Variants in NHS observed in about 807,000 individuals in gnomAD.
NHS encodes the protein NHS actin remodeling regulator.
A neutral mutation model predicts 72.5 loss-of-function variants in NHS; 5 were observed. That is an observed-to-expected ratio of 0.07 (90% CI 0.04 to 0.14). The LOEUF (loss-of-function observed/expected upper bound fraction) is 0.14. Among genes scored for constraint, NHS ranks in the 10% least tolerant of loss-of-function variants. The probability of loss-of-function intolerance (pLI) is 1.00; values close to 1 mark genes in which losing one functional copy is unlikely to be tolerated. For missense variants in NHS, 1,072 were observed against 1,355.7 expected (o/e 0.79, Z 3.29); for synonymous variants, 464 against 547.7 (o/e 0.85, Z 2.13).
At chrX:17,623,126 G>A (rs143379069) in intron 1 of NHS, among the ~76,000 whole-genome samples, 338 of 110,533 alleles carry the variant, frequency 3.1e-3, no homozygotes, top group African/African-American at 9.5e-3. Flanking sequence ...TAATAGAAAC[G>A]AGGGGTCTCC....
chrX:17,461,035 AT>A (rs199711221), intron 1 of NHS, among the ~76,000 whole-genome samples: 4,219 of 111,966 alleles, frequency 0.038, 209 homozygotes, highest in African/African-American at 0.13. Flanking sequence ...CACTGAATTT[AT>A]TGAATACCTA....
Position 17,726,257 on chromosome X carries a change from C to T in NHS, c.2151C>T (p.Asn717=), listed in dbSNP as rs778940867. 4.1e-6 allele frequency: 5 copies of T among 1,211,994 alleles called. No homozygotes were observed. The Admixed American group carries it at 1.1e-4, about 26-fold the overall frequency. The change falls in exon 7 of 9, where the codon AAC becomes AAT. Residue 717 remains asparagine, a synonymous_variant. Coordinates refer to ENST00000676302, the MANE Select transcript of NHS (RefSeq NM_001291867.2). ...TGCTGGATGATCCCAACAACAGCAA[C>T]ACAAGTGACAGTGAGTGGAATTACC... ...ADLLDDPNNS[N]TSDSEWNYLH... is the part of the protein sequence containing the mutation.
intron 1 of NHS, among the ~76,000 whole-genome samples, chrX:17,509,930 C>T (rs2065079063): frequency 8.9e-6 from 1 of 112,806 alleles, no homozygotes; most frequent in Admixed American, 9.3e-5. Context: ...AGCGTCTCTA[C>T]ATTGTGCTTA....
At chrX:17,434,361 T>G (rs1427004057) in intron 1 of NHS, among the ~76,000 whole-genome samples, 1 of 111,517 alleles carries the variant, frequency 9.0e-6, no homozygotes, top group Non-Finnish European at 1.9e-5. Flanking sequence ...TAGAAAATGC[T>G]TGATTCAAAA....
intron 1 of NHS, among the ~76,000 whole-genome samples, chrX:17,477,579 T>C (rs183464338): frequency 8.9e-5 from 10 of 112,365 alleles, no homozygotes; most frequent in Admixed American, 8.5e-4. Context: ...CTTATGTTAC[T>C]GTGTTGGGAA....
chrX:17,726,014 G>T lies in NHS; in HGVS notation c.1908G>T (p.Gly636=). Residue 636 remains glycine (G), a synonymous_variant, in exon 7 of 9, where the codon GGG becomes GGT. Transcript: ENST00000676302. The part of the protein sequence containing the change: ...DHQSSSGNWS[G]SSSTCPSQTS... ...AGTCATCCAGTGGCAACTGGAGTGG[G>T]AGCAGCTCCACGTGCCCCTCGCAGA... The T allele has an allele frequency of 8.3e-7, 1 of 1,211,477 alleles. No homozygotes were observed. Among genetic ancestry groups the T allele is most frequent in the Non-Finnish European group, 1.1e-6 (1 of 895,435 alleles).
At chrX:17,514,089 A>G (rs1253147870) in intron 1 of NHS, among the ~76,000 whole-genome samples, 4 of 111,626 alleles carry the variant, frequency 3.6e-5, no homozygotes, top group Non-Finnish European at 7.5e-5. Context: ...CTTTTTCACT[A>G]TCACGAGAAC....
intron 1 of NHS, among the ~76,000 whole-genome samples, chrX:17,378,655 G>A (rs1415488698): frequency 8.9e-6 from 1 of 112,289 alleles, no homozygotes. Flanking sequence ...GGAGGAAAGA[G>A]GAAAGCCAGT....
Position 17,725,882 on chromosome X carries a change from C to A in NHS, c.1776C>A (p.Gly592=), listed in dbSNP as rs374485369. ...TGTCCCGAATGGCTGCTGACTCTGG[C>A]AGCTGTGACATCTCCTCCAACTCAG... The part of the protein sequence containing the change: ...SRLSRMAADS[G]SCDISSNSDT... Residue 592 remains glycine (G), a synonymous_variant, in exon 7 of 9, where the codon GGC becomes GGA. Coordinates refer to ENST00000676302, the MANE Select transcript of NHS (RefSeq NM_001291867.2). 1.7e-6 allele frequency: 2 copies of A among 1,211,629 alleles called. No individual in the cohort carries two copies. Among genetic ancestry groups the A allele is most frequent in the Non-Finnish European group, 2.2e-6 (2 of 895,504 alleles).
chrX:17,519,218 A>G (rs1310268774), intron 1 of NHS, among the ~76,000 whole-genome samples: 1 of 111,703 alleles, frequency 9.0e-6, no homozygotes, highest in African/African-American at 3.3e-5. Context: ...ACATGATTAC[A>G]TTTAGCAATG....
chrX:17,488,567 T>C (rs2064976571), intron 1 of NHS, among the ~76,000 whole-genome samples: 1 of 111,999 alleles, frequency 8.9e-6, no homozygotes, highest in African/African-American at 3.2e-5. Flanking sequence ...AAATCTGGAC[T>C]CTTCTCGGAC....
chrX:17,419,761 G>A (rs2064614350), intron 1 of NHS, among the ~76,000 whole-genome samples: 2 of 111,749 alleles, frequency 1.8e-5, no homozygotes, highest in Non-Finnish European at 3.8e-5. Context: ...ACCATGAAAA[G>A]CTAAAATTGT....
At chrX:17,505,336 G>T (rs1032025401) in intron 1 of NHS, among the ~76,000 whole-genome samples, 1 of 111,388 alleles carries the variant, frequency 9.0e-6, no homozygotes, top group Non-Finnish European at 1.9e-5. Context: ...GGAATTGCCA[G>T]TTCAAAGGGT....
At chrX:17,718,625 GGGAAGGAAAAAA>G (rs1204831553) in intron 3 of NHS, among the ~76,000 whole-genome samples, 2 of 93,121 alleles carry the variant, frequency 2.1e-5, no homozygotes, top group African/African-American at 8.2e-5. Context: ...TTAGGAAGGA[GGGAAGGAAAAAA>G]GGAAGGAAGA....
chrX:17,425,674 C>T, intron 1 of NHS, among the ~76,000 whole-genome samples: 1 of 108,222 alleles, frequency 9.2e-6, no homozygotes, highest in East Asian at 3.0e-4. Context: ...TGAATCCAAG[C>T]ACTGCCTTTG....
At chrX:17,587,260 G>A (rs1041304157) in intron 1 of NHS, 1 of 112,271 alleles carries the variant, frequency 8.9e-6, no homozygotes, top group African/African-American at 3.2e-5. Flanking sequence ...TTGTCAAACT[G>A]AGTAGTCTAA....
At chrX:17,560,350 C>T (rs2065406082) in intron 1 of NHS, among the ~76,000 whole-genome samples, 1 of 112,600 alleles carries the variant, frequency 8.9e-6, no homozygotes, top group Non-Finnish European at 1.9e-5. Context: ...CTGCACTCCT[C>T]TATTTGAAAG....
At chrX:17,583,197 G>A (rs1318794298) in intron 1 of NHS, among the ~76,000 whole-genome samples, 1 of 111,890 alleles carries the variant, frequency 8.9e-6, no homozygotes, top group Non-Finnish European at 1.9e-5. Flanking sequence ...CTAGGTGCAG[G>A]AGATACAGGG....
At chrX:17,404,035 G>A (rs1397519375) in intron 1 of NHS, among the ~76,000 whole-genome samples, 1 of 112,427 alleles carries the variant, frequency 8.9e-6, no homozygotes, top group Admixed American at 9.4e-5. Flanking sequence ...CTGTTTGCTT[G>A]TGTGTGGCTG....
Sources: allele counts gnomAD v4.1 joint callset (sites outside exome capture counted in the v4.1 genomes callset), GRCh38; gene constraint gnomAD v4.1.1; transcripts MANE v1.5; gene names NCBI Gene and HGNC (gene_info 2026-07-23, HGNC 2026-07-21).